The following COG5 variants were observed in gnomAD, a reference collection of about 807,000 sequenced individuals.
The protein encoded by COG5 is conserved oligomeric Golgi complex subunit 5.
Under a neutral mutation model 110.4 loss-of-function variants are expected in COG5, and 86 were observed. That is an observed-to-expected ratio of 0.78 (90% CI 0.65 to 0.93). The LOEUF (loss-of-function observed/expected upper bound fraction) is 0.93. COG5 is among the 40% of genes least tolerant of loss of function. The pLI, the probability that COG5 is intolerant of heterozygous loss-of-function variation, is 0.00. For missense variants in COG5, 1,077 were observed against 987.0 expected (o/e 1.09, Z -1.22); for synonymous variants, 360 against 334.6 (o/e 1.08, Z -0.83).
chr7:107,354,254 C>T (rs1418017996), intron 10 of COG5, among the ~76,000 whole-genome samples: 2 of 152,122 alleles, frequency 1.3e-5, no homozygotes, highest in Non-Finnish European at 2.9e-5. Context: ...TACTCTACAT[C>T]AATTAATGTA....
At chr7:107,544,764 A>G (rs1160913418) in intron 5 of COG5, among the ~76,000 whole-genome samples, 1 of 152,232 alleles carries the variant, frequency 6.6e-6, no homozygotes, top group Admixed American at 6.5e-5. Flanking sequence ...GGGAAACATA[A>G]CACCACCAAA....
chr7:107,527,229 A>AC lies in COG5; in HGVS notation c.538+7_538+8insG. On this transcript the variant is annotated splice_region_variant and intron_variant, in intron 6 of 21. Transcript: ENST00000297135. Reference sequence around the variant, plus strand: ...TAACTTTTTATTTAAAAAAAAAAAAAAACTTACCAAGTTCATTGAGACTCT... The same window carrying AC: ...TAACTTTTTATTTAAAAAAAAAAAAACAACTTACCAAGTTCATTGAGACTCT... 4 of 1,537,572 alleles carry AC rather than the reference A, an allele frequency of 2.6e-6. No individual in the cohort carries two copies. The highest frequency in any genetic ancestry group is 3.5e-6 in the Non-Finnish European group (4 of 1,143,064).
intron 7 of COG5, among the ~76,000 whole-genome samples, chr7:107,399,312 A>G (rs188153580): frequency 2.6e-5 from 4 of 152,184 alleles, no homozygotes; most frequent in African/African-American, 9.7e-5. Flanking sequence ...TATTTATGAT[A>G]TGGTTTGGCA....
chr7:107,330,059 TA>T (rs1810107974), intron 10 of COG5, among the ~76,000 whole-genome samples: 1 of 152,234 alleles, frequency 6.6e-6, no homozygotes, highest in Admixed American at 6.5e-5. Context: ...TTAATTGAAC[TA>T]CATTTTGAAT....
At chr7:107,494,819 A>G (rs1000487536) in intron 6 of COG5, among the ~76,000 whole-genome samples, 16 of 152,122 alleles carry the variant, frequency 1.1e-4, no homozygotes, top group African/African-American at 2.7e-4. Context: ...TCACTACCAC[A>G]ACTCCCATTC....
chr7:107,428,268 G>A lies in COG5; in HGVS notation c.539-15636C>T, dbSNP rs143941988. Among the ~76,000 whole-genome samples, 462 of 152,210 alleles carry A rather than the reference G, an allele frequency of 3.0e-3. 4 individuals carry two copies. Among genetic ancestry groups the A allele is most frequent in the Non-Finnish European group, 5.0e-3 (339 of 68,006 alleles). On this transcript the variant is annotated intron_variant, in intron 6 of 21. Coordinates refer to ENST00000297135, the MANE Select transcript of COG5 (RefSeq NM_006348.5). The stretch of plus-strand genomic sequence containing the variant: ...ACCTGCCCCTGTCTGCTTAGGATTT[G>A]TCTGCCTCCTGCTACTATCCTAGTT...
At chr7:107,314,525 C>T (rs1485220235) in intron 11 of COG5, among the ~76,000 whole-genome samples, 3 of 144,978 alleles carry the variant, frequency 2.1e-5, no homozygotes, top group East Asian at 4.1e-4. Flanking sequence ...GGGCAGATCA[C>T]GAGGTCAGGA....
At chr7:107,353,382 G>A (rs1426212595) in intron 10 of COG5, among the ~76,000 whole-genome samples, 3 of 133,702 alleles carry the variant, frequency 2.2e-5, no homozygotes, top group South Asian at 2.3e-4. Context: ...CCGAGATCCC[G>A]CCACTGCACT....
At chr7:107,372,840 C>G (rs1814306072) in intron 7 of COG5, 80 bp from the exon 8 acceptor site, 2 of 1,378,292 alleles carry the variant, frequency 1.5e-6, no homozygotes, top group Non-Finnish European at 2.0e-6. Context: ...CAACTTTAAG[C>G]AGGACTTCAG....
rs761569594 is a variant in COG5, at chr7:107,563,905, G to A, written c.-9C>T. The stretch of plus-strand genomic sequence containing the variant: ...CCGCCGCCACCTTCCATGTTGGCAG[G>A]TGCCGGGTTGATGTCGTCAGCAGCA... On this transcript the variant is annotated 5_prime_UTR_variant, in exon 1 of 22. Coordinates refer to ENST00000297135, the MANE Select transcript of COG5 (RefSeq NM_006348.5). 6.2e-6 allele frequency: 10 copies of A among 1,613,600 alleles called. No homozygotes were observed. The highest frequency in any genetic ancestry group is 3.3e-5 in the South Asian group (3 of 91,078).
At chr7:107,323,152 A>C (rs1264269580) in intron 11 of COG5, among the ~76,000 whole-genome samples, 2 of 152,234 alleles carry the variant, frequency 1.3e-5, no homozygotes, top group Admixed American at 6.5e-5. Context: ...TATAAATTAT[A>C]TCTCAATAAA....
intron 11 of COG5, among the ~76,000 whole-genome samples, chr7:107,315,244 T>C (rs868501148): frequency 1.2e-4 from 19 of 152,196 alleles, no homozygotes; most frequent in Admixed American, 2.0e-4. Context: ...TTTATCACTA[T>C]ATGTTTTAAA....
chr7:107,202,325 T>C lies in COG5; in HGVS notation c.*1191A>G, dbSNP rs1339034006. On this transcript the variant is annotated 3_prime_UTR_variant, in exon 22 of 22. Coordinates refer to ENST00000297135, the MANE Select transcript of COG5 (RefSeq NM_006348.5). ...TCCAACTGTCTAAAATTAGAGCAAATACATTGGCAATACAGCTGCTTTTGC... is the reference window on the plus strand; with the variant it reads ...TCCAACTGTCTAAAATTAGAGCAAACACATTGGCAATACAGCTGCTTTTGC... 1.3e-5 allele frequency: 2 copies of C among 152,624 alleles called. No homozygotes were observed. The highest frequency in any genetic ancestry group is 2.4e-5 in the African/African-American group (1 of 41,450). The allele number at this position is 152,624 out of a possible 1,614,324, so 9.5% of individuals were successfully genotyped here. A position where few individuals can be genotyped will look rare whatever the true frequency, so the allele number is the denominator to read the frequency against.
At position 107,527,187 on chromosome 7, in the gene COG5, A is replaced by G. The variant is rs1205713624; in HGVS notation, c.538+50T>C. Reference sequence around the variant, plus strand: ...AAGTCAACCAATCAAGTGACTTAAAAATATTTAAATCTCTACTAACTTTTT... The same window carrying G: ...AAGTCAACCAATCAAGTGACTTAAAGATATTTAAATCTCTACTAACTTTTT... On this transcript the variant is annotated intron_variant, in intron 6 of 21. Transcript: ENST00000297135. The G allele has an allele frequency of 9.5e-6, 14 of 1,473,898 alleles. No individual in the cohort carries two copies. In the Middle Eastern group the frequency reaches 1.0e-3, roughly 106 times the overall value. The allele number at this position is 1,473,898 out of a possible 1,614,324, so 91.3% of individuals were successfully genotyped here.
intron 6 of COG5, among the ~76,000 whole-genome samples, chr7:107,512,114 T>C (rs980011210): frequency 5.9e-5 from 9 of 152,334 alleles, no homozygotes; most frequent in South Asian, 2.1e-4. Context: ...TTGTCCCTGT[T>C]TGCAGATGAC....
intron 7 of COG5, among the ~76,000 whole-genome samples, chr7:107,382,203 TCCAGG>T (rs2129053362): frequency 1.3e-5 from 2 of 152,212 alleles, no homozygotes; most frequent in Admixed American, 1.3e-4. Context: ...TTCTAACAGG[TCCAGG>T]AGCTCCAAGT....
chr7:107,519,859 G>C (rs2712206), intron 6 of COG5, among the ~76,000 whole-genome samples: 63,066 of 151,822 alleles, frequency 0.42, 13,447 homozygotes, highest in Non-Finnish European at 0.47. Context: ...AACTTCAGGC[G>C]AATATCCCTG....
intron 10 of COG5, among the ~76,000 whole-genome samples, chr7:107,342,480 C>A (rs1584702417): frequency 6.6e-6 from 1 of 151,290 alleles, no homozygotes; most frequent in East Asian, 1.9e-4. Flanking sequence ...GAGTTTGAGA[C>A]AAGCATGGCC....
chr7:107,249,867 T>C lies in COG5; in HGVS notation c.1750-1368A>G, dbSNP rs371906422. Reference sequence around the variant, plus strand: ...AGTGAGCACCTTCCTTTGAGCGTCATGTTGACACTAAAAAAGTTTCGGATT... The same window carrying C: ...AGTGAGCACCTTCCTTTGAGCGTCACGTTGACACTAAAAAAGTTTCGGATT... On this transcript the variant is annotated intron_variant, in intron 16 of 21. Transcript: ENST00000297135. Among the ~76,000 whole-genome samples the C allele has an allele frequency of 3.2e-4, 48 of 152,138 alleles. 1 individual carries two copies. The South Asian group carries it at 8.7e-3, about 28-fold the overall frequency.
Sources: gnomAD v4.1 joint callset for allele counts (sites outside exome capture counted in the v4.1 genomes callset) on GRCh38, gnomAD v4.1.1 for gene constraint, MANE v1.5 for transcripts, NCBI Gene and HGNC (gene_info 2026-07-23, HGNC 2026-07-21) for gene names.